Variants in TMEFF2 observed in about 807,000 individuals in gnomAD.
TMEFF2 encodes tomoregulin-2.
Under a neutral mutation model 53.8 loss-of-function variants are expected in TMEFF2, and 28 were observed. That is an observed-to-expected ratio of 0.52 (90% CI 0.39 to 0.71). The LOEUF is 0.71. Ranked by LOEUF, TMEFF2 falls within the 30% of genes least tolerant of loss-of-function variation. The pLI is 0.00. For missense variants in TMEFF2, 353 were observed against 455.2 expected, an observed-to-expected ratio of 0.78 and a Z score of 2.04; for synonymous variants, 162 against 166.3, an observed-to-expected ratio of 0.97 and a Z score of 0.20.
rs760130627 is a variant in TMEFF2, at chr2:192,194,303, C to G, written c.172+50G>C. On this transcript the variant is annotated intron_variant, in intron 1 of 9. Transcript: ENST00000272771. This position sits in a 1 kb window ranked among gnomAD's most constrained non-coding sequence, Gnocchi z 4.2. ...GGTAGGCTGGTCTGTGCTGGATACGCGTGTTCTTCTGCGGAGTTAAAGGGT... is the reference window on the plus strand; with the variant it reads ...GGTAGGCTGGTCTGTGCTGGATACGGGTGTTCTTCTGCGGAGTTAAAGGGT... The G allele has an allele frequency of 6.2e-7, 1 of 1,603,732 alleles. No individual in the cohort carries two copies. The highest frequency in any genetic ancestry group is 2.2e-5 in the East Asian group (1 of 44,722).
At chr2:192,174,201 A>T (rs1690982033) in intron 4 of TMEFF2, among the ~76,000 whole-genome samples, 1 of 151,856 alleles carries the variant, frequency 6.6e-6, no homozygotes, top group Non-Finnish European at 1.5e-5. Flanking sequence ...TTAAAAACCC[A>T]TATGGATGAT....
At chr2:192,180,871 G>T (rs1441803114) in intron 3 of TMEFF2, among the ~76,000 whole-genome samples, 1 of 151,682 alleles carries the variant, frequency 6.6e-6, no homozygotes, top group Non-Finnish European at 1.5e-5. Flanking sequence ...TGAACTGTCA[G>T]TCTTGTTGGA....
At chr2:192,106,365 TATTGGAAATAAA>T (rs1453506312) in intron 4 of TMEFF2, among the ~76,000 whole-genome samples, 1 of 151,734 alleles carries the variant, frequency 6.6e-6, no homozygotes, top group Non-Finnish European at 1.5e-5. Context: ...TTATTGTTGA[TATTGGAAATAAA>T]ATTAATTTCA....
At chr2:192,040,842 T>G (rs936762574) in intron 5 of TMEFF2, among the ~76,000 whole-genome samples, 1 of 152,164 alleles carries the variant, frequency 6.6e-6, no homozygotes, top group Non-Finnish European at 1.5e-5. Flanking sequence ...TCAATTGATT[T>G]CAATAAGGGT....
At chr2:191,982,504 C>A (rs377686511) in intron 7 of TMEFF2, among the ~76,000 whole-genome samples, 391 of 138,294 alleles carry the variant, frequency 2.8e-3, no homozygotes, top group East Asian at 3.4e-3. Flanking sequence ...TGAAAACAGG[C>A]AAAAAAAAAA....
chr2:191,982,381 A>G (rs1002360836), intron 7 of TMEFF2, among the ~76,000 whole-genome samples: 8 of 152,140 alleles, frequency 5.3e-5, no homozygotes, highest in African/African-American at 1.9e-4. Flanking sequence ...GTGTATAGCA[A>G]CAACTAGAAC....
chr2:192,163,157 T>C lies in TMEFF2; in HGVS notation c.439+16511A>G, dbSNP rs552955313. On this transcript the variant is annotated intron_variant, in intron 4 of 9. Transcript: ENST00000272771. ...AAACTGAAGGTGGAAGCCATAGGCT[T>C]TATATTTCCAGTTACTCAAATTAGT... 1.6e-4 allele frequency among the ~76,000 whole-genome samples: 24 copies of C among 152,318 alleles called. No individual in the cohort carries two copies. The South Asian group carries it at 5.0e-3, about 32-fold the overall frequency.
chr2:192,193,063 T>C (rs1691502169), intron 1 of TMEFF2, among the ~76,000 whole-genome samples: 1 of 152,240 alleles, frequency 6.6e-6, no homozygotes, highest in African/African-American at 2.4e-5. Flanking sequence ...TTTTGGCATT[T>C]ACATCAGTAA....
chr2:192,086,279 A>G (rs1025954518), intron 4 of TMEFF2, among the ~76,000 whole-genome samples: 12 of 152,134 alleles, frequency 7.9e-5, no homozygotes, highest in African/African-American at 2.4e-4. Context: ...AGTCTATATA[A>G]AAGCACATTT....
At position 191,953,806 on chromosome 2, in the gene TMEFF2, C is replaced by G. The variant is rs1241803384; in HGVS notation, c.901G>C (p.Glu301Gln). The G allele has an allele frequency of 1.9e-6, 3 of 1,609,542 alleles. No homozygotes were observed. The change falls in exon 9 of 10, where the codon GAA (glutamate) becomes CAA (glutamine). Residue 301 changes from glutamate to glutamine, a missense_variant. By Grantham distance (29) the Glu-to-Gln change is conservative. This residue lies in a region of TMEFF2 where 294 missense variants were observed against 397.3 expected (regional missense o/e 0.74). Transcript: ENST00000272771. ...CDAGYTGQHCEKKDYSVLYVV... is the reference protein window; with the variant it reads ...CDAGYTGQHCQKKDYSVLYVV... ...TATAGAACACTGTAGTCCTTTTTTTCACAGTGTTGTCCAGTATAACCAGCA... is the reference window on the plus strand; with the variant it reads ...TATAGAACACTGTAGTCCTTTTTTTGACAGTGTTGTCCAGTATAACCAGCA...
Position 191,998,315 on chromosome 2 carries a change from G to C in TMEFF2, c.692C>G (p.Thr231Arg). The change falls in exon 7 of 10, where the codon ACA (threonine) becomes AGA (arginine). Residue 231 changes from threonine to arginine, a missense_variant. Coordinates refer to ENST00000272771, the MANE Select transcript of TMEFF2 (RefSeq NM_016192.4). ...ATCTTCAGACTTAGTAGTTGTAGTT[G>C]TGTTATCTGTGTTAAAAAATTAACA... ...VMSLGRCQDN[T>R]TTTTKSEDGH... is the part of the protein sequence containing the mutation. 6.3e-7 allele frequency: 1 copy of C among 1,593,698 alleles called. No individual in the cohort carries two copies. Among genetic ancestry groups the C allele is most frequent in the African/African-American group, 1.4e-5 (1 of 73,778 alleles).
intron 4 of TMEFF2, among the ~76,000 whole-genome samples, chr2:192,059,303 A>C (rs1687988966): frequency 6.6e-6 from 1 of 151,934 alleles, no homozygotes; most frequent in African/African-American, 2.4e-5. Flanking sequence ...AAAAAGAAGA[A>C]GGAATTTTAG....
At chr2:192,130,777 A>C (rs1235539629) in intron 4 of TMEFF2, among the ~76,000 whole-genome samples, 1 of 152,022 alleles carries the variant, frequency 6.6e-6, no homozygotes, top group East Asian at 2.0e-4. Context: ...TGTTGCTCAC[A>C]CAAAGTCTGT....
At chr2:191,958,734 A>T (rs1008321651) in intron 7 of TMEFF2, among the ~76,000 whole-genome samples, 3 of 152,218 alleles carry the variant, frequency 2.0e-5, no homozygotes, top group Admixed American at 6.5e-5. Flanking sequence ...ATTCCTTATG[A>T]GCTTGGAGTG....
At position 192,132,900 on chromosome 2, in the gene TMEFF2, T is replaced by C. The variant is rs573058931; in HGVS notation, c.439+46768A>G. Among the ~76,000 whole-genome samples the C allele has an allele frequency of 2.8e-4, 42 of 152,314 alleles. No homozygotes were observed. The East Asian group carries it at 8.1e-3, about 29-fold the overall frequency. On this transcript the variant is annotated intron_variant, in intron 4 of 9. Transcript: ENST00000272771. ...TTAGTGGCTGAAGACTGACGCTGCC[T>C]GATCACCTCGAAAGCCCCGTAGACC...
intron 4 of TMEFF2, among the ~76,000 whole-genome samples, chr2:192,144,022 T>C (rs1690195633): frequency 6.6e-6 from 1 of 152,156 alleles, no homozygotes; most frequent in African/African-American, 2.4e-5. Context: ...CTGCAAGTAT[T>C]ACTGGGTTAT....
At chr2:192,068,884 T>C (rs780299701) in intron 4 of TMEFF2, among the ~76,000 whole-genome samples, 1 of 151,238 alleles carries the variant, frequency 6.6e-6, no homozygotes, top group Non-Finnish European at 1.5e-5. Flanking sequence ...GGTCAACATA[T>C]TTTATAAAAT....
chr2:192,168,838 G>A (rs906333940), intron 4 of TMEFF2, among the ~76,000 whole-genome samples: 2 of 151,786 alleles, frequency 1.3e-5, no homozygotes, highest in African/African-American at 4.8e-5. Flanking sequence ...TTATTTTTTT[G>A]TTTAAATTTT....
intron 4 of TMEFF2, among the ~76,000 whole-genome samples, chr2:192,164,556 C>T (rs1432368632): frequency 2.0e-5 from 3 of 151,956 alleles, no homozygotes; most frequent in Non-Finnish European, 4.4e-5. Flanking sequence ...AGTGAAACCC[C>T]GTCTCTACTA....
Sources: gnomAD v4.1 joint callset for allele counts (sites outside exome capture counted in the v4.1 genomes callset) on GRCh38, gnomAD v4.1.1 for gene constraint, gnomAD v4.1.1 regional missense constraint, Gnocchi (gnomAD v3.1) non-coding constraint, MANE v1.5 for transcripts, NCBI Gene and HGNC (gene_info 2026-07-23, HGNC 2026-07-21) for gene names.